MTERF4: variants seen among roughly 807,000 people sequenced by gnomAD.
MTERF4 encodes the protein mitochondrial transcription termination factor 4.
Under a neutral mutation model 22.5 loss-of-function variants are expected in MTERF4, and 17 were observed. That is an observed-to-expected ratio of 0.75 (90% CI 0.52 to 1.13). The LOEUF (loss-of-function observed/expected upper bound fraction) is 1.13, where lower values mean the gene tolerates loss of function less well. Ranked by LOEUF, MTERF4 falls within the 50% of genes most tolerant of loss-of-function variation. The pLI, the probability that MTERF4 is intolerant of heterozygous loss-of-function variation, is 0.00. For missense variants in MTERF4, 420 were observed against 466.8 expected (o/e 0.90, Z 0.92); for synonymous variants, 165 against 175.3 (o/e 0.94, Z 0.47).
downstream of MTERF4, chr2:241,086,968 C>A (rs1217945596): frequency 6.3e-6 from 1 of 158,010 alleles, no homozygotes; most frequent in Non-Finnish European, 1.4e-5. Context: ...TTCTACAATG[C>A]CTACATCCGA....
chr2:241,052,482 G>GGTACAT, the MTERF4 span: 1,071 of 1,578,978 alleles, frequency 6.8e-4, 94 homozygotes, highest in South Asian at 7.9e-3. Flanking sequence ...AGAGGGTCAG[G>GGTACAT]GGGATCAAGC....
the MTERF4 span, among the ~76,000 whole-genome samples, chr2:241,058,174 C>G: frequency 6.6e-6 from 1 of 151,982 alleles, no homozygotes; most frequent in African/African-American, 2.4e-5. Flanking sequence ...GAGTATAAGA[C>G]GAAAAGCATC....
downstream of MTERF4, among the ~76,000 whole-genome samples, chr2:241,083,992 G>C (rs2063456811): frequency 6.6e-6 from 1 of 150,500 alleles, no homozygotes; most frequent in African/African-American, 2.5e-5. Context: ...ATTCCATTTT[G>C]TCTCCACTAT....
downstream of MTERF4, chr2:241,070,130 CTG>C (rs755267337): frequency 1.2e-6 from 2 of 1,612,382 alleles, no homozygotes; most frequent in Admixed American, 1.7e-5. Flanking sequence ...TACCAGCTCT[CTG>C]TGATAGCAGT....
At chr2:241,071,903 A>C (rs1417008460), downstream of MTERF4, 10 of 1,567,510 alleles carry the variant, frequency 6.4e-6, no homozygotes, top group African/African-American at 2.7e-5. Context: ...CTCCCCACCC[A>C]CCTTGGTGGC....
At chr2:241,098,641 C>G (rs2064561901) in intron 2 of MTERF4, among the ~76,000 whole-genome samples, 1 of 152,234 alleles carries the variant, frequency 6.6e-6, no homozygotes, top group Non-Finnish European at 1.5e-5. Context: ...CAGAGTAAAT[C>G]TAAACACTCG....
downstream of MTERF4, among the ~76,000 whole-genome samples, chr2:241,068,277 G>A (rs1026480397): frequency 6.6e-5 from 10 of 151,970 alleles, no homozygotes; most frequent in Middle Eastern, 3.2e-3. This position sits in a 1 kb window ranked among gnomAD's most constrained non-coding sequence, Gnocchi z 5.3. Flanking sequence ...AGCGGCCAGC[G>A]AGGGTAGATG....
Position 241,073,432 on chromosome 2 carries a change from G to A in MTERF4, n.2730C>T. On this transcript the variant is annotated non_coding_transcript_exon_variant, in exon 5 of 5. Transcript: ENST00000464344. This position sits in a 1 kb window ranked among gnomAD's most constrained non-coding sequence, Gnocchi z 6.6. ...GCTCTCAGGGGCCTTAGAGGCTGCA[G>A]GCAGGAGGGACCACCCACGGTGAGG... 3 of 1,336,928 alleles carry A rather than the reference G, an allele frequency of 2.2e-6. No homozygotes were observed. The highest frequency in any genetic ancestry group is 3.2e-6 in the Non-Finnish European group (3 of 952,014). 82.8% of individuals were successfully genotyped at this position (1,336,928 alleles called of 1,614,324 possible).
the MTERF4 span, among the ~76,000 whole-genome samples, chr2:241,045,601 A>T: frequency 2.7e-5 from 4 of 148,366 alleles, no homozygotes; most frequent in Admixed American, 6.8e-5. Context: ...TTATATGTAT[A>T]AAAAAAAAAC....
downstream of MTERF4, among the ~76,000 whole-genome samples, chr2:241,070,878 T>C (rs541375700): frequency 2.2e-3 from 340 of 152,208 alleles, 2 homozygotes; most frequent in African/African-American, 7.9e-3. Flanking sequence ...AGCAGAGCAG[T>C]GCGCGGCTCC....
At chr2:241,059,075 C>A in the MTERF4 span, among the ~76,000 whole-genome samples, 10 of 152,108 alleles carry the variant, frequency 6.6e-5, no homozygotes, top group Admixed American at 2.0e-4. Context: ...GTCCTTTAAA[C>A]ATTAAAGATC....
At chr2:241,089,292 C>A (rs1309848316), downstream of MTERF4, 27 of 1,548,964 alleles carry the variant, frequency 1.7e-5, no homozygotes, top group Admixed American at 5.1e-4. Flanking sequence ...AGTTCATCTT[C>A]CTGGTGGCGC....
At chr2:241,058,189 AGAAT>A in the MTERF4 span, among the ~76,000 whole-genome samples, 1 of 152,222 alleles carries the variant, frequency 6.6e-6, no homozygotes, top group African/African-American at 2.4e-5. Flanking sequence ...AGCATCATTA[AGAAT>A]GAGAGGGTGT....
chr2:241,073,605 T>C lies in MTERF4; in HGVS notation n.2557A>G, dbSNP rs996625337. The stretch of plus-strand genomic sequence containing the variant: ...CAGGACCCACCCAAACCACCCAGAG[T>C]CTGAGCTAGAGAGACTGGCTTTGAT... On this transcript the variant is annotated non_coding_transcript_exon_variant, in exon 5 of 5. Coordinates refer to the MTERF4 transcript ENST00000464344. This position sits in a 1 kb window ranked among gnomAD's most constrained non-coding sequence, Gnocchi z 6.6. 5 of 583,334 alleles carry C rather than the reference T, an allele frequency of 8.6e-6. No homozygotes were observed. The highest frequency in any genetic ancestry group is 1.5e-5 in the Non-Finnish European group (5 of 325,614). The allele number at this position is 583,334 out of a possible 1,614,324, so 36.1% of individuals were successfully genotyped here.
intron 1 of MTERF4, 123 bp downstream of exon 1, chr2:241,102,130 G>A (rs2064741182): frequency 7.3e-7 from 1 of 1,367,050 alleles, no homozygotes; most frequent in Non-Finnish European, 1.0e-6. Context: ...CCAGGTCAGC[G>A]TGCACGGACC....
intron 4 of MTERF4, among the ~76,000 whole-genome samples, chr2:241,080,183 C>G (rs184046539): frequency 6.6e-6 from 1 of 152,174 alleles, no homozygotes; most frequent in Non-Finnish European, 1.5e-5. Context: ...ACTCGGGAGG[C>G]TGAGGTGGGA....
chr2:241,049,166 CGGGGG>C, the MTERF4 span: 1 of 1,555,394 alleles, frequency 6.4e-7, no homozygotes, highest in Non-Finnish European at 8.8e-7. Context: ...CCTGCTGGGC[CGGGGG>C]CCCGGACAGA....
the MTERF4 span, chr2:241,064,995 G>A: frequency 1.4e-6 from 2 of 1,476,552 alleles, no homozygotes; most frequent in African/African-American, 2.8e-5. The surrounding 1 kb of genome is among the most constrained non-coding windows in gnomAD (Gnocchi z 7.0). Context: ...GGAGCCACGA[G>A]GGGGTCCCCT....
chr2:241,066,367 G>A, the MTERF4 span, among the ~76,000 whole-genome samples: 6 of 152,206 alleles, frequency 3.9e-5, no homozygotes, highest in Non-Finnish European at 8.8e-5. Context: ...CTAGAACATG[G>A]CAGTGGACGG....
Sources: allele counts gnomAD v4.1 joint callset (sites outside exome capture counted in the v4.1 genomes callset), GRCh38; gene constraint gnomAD v4.1.1; non-coding constraint Gnocchi (gnomAD v3.1); transcripts MANE v1.5; gene names NCBI Gene and HGNC (gene_info 2026-07-23, HGNC 2026-07-21).